IMMP2L: variants seen among roughly 807,000 people sequenced by gnomAD.
IMMP2L encodes the protein inner mitochondrial membrane peptidase subunit 2.
A neutral mutation model predicts 19.3 loss-of-function variants in IMMP2L; 18 were observed. That is an observed-to-expected ratio of 0.93 (90% CI 0.64 to 1.38). The LOEUF is 1.38. Among genes scored for constraint, IMMP2L ranks in the 40% most tolerant of loss-of-function variants. The pLI is 0.00. For synonymous variants in IMMP2L, 76 were observed against 73.0 expected, an observed-to-expected ratio of 1.04 and a Z score of -0.21; for missense variants, 233 against 218.2, an observed-to-expected ratio of 1.07 and a Z score of -0.43.
chr7:110,770,243 T>C (rs922141147), intron 5 of IMMP2L, among the ~76,000 whole-genome samples: 2 of 152,170 alleles, frequency 1.3e-5, no homozygotes, highest in Admixed American at 1.3e-4. Flanking sequence ...TCATACTTAA[T>C]TCCCTTACGA....
chr7:111,122,512 C>A, intron 3 of IMMP2L: 2 of 432,288 alleles, frequency 4.6e-6, no homozygotes, highest in Non-Finnish European at 8.2e-6. Context: ...ACCATCTATA[C>A]ATACTCCACC....
chr7:110,801,976 T>C (rs1284911470), intron 5 of IMMP2L, among the ~76,000 whole-genome samples: 1 of 152,080 alleles, frequency 6.6e-6, no homozygotes, highest in Non-Finnish European at 1.5e-5. Context: ...TCATTCCATA[T>C]GACAGTGAAG....
chr7:111,038,264 T>C (rs1021665241), intron 3 of IMMP2L, among the ~76,000 whole-genome samples: 2 of 152,042 alleles, frequency 1.3e-5, no homozygotes, highest in African/African-American at 4.8e-5. Flanking sequence ...TATTCACAAT[T>C]TGGGGGTGGT....
At position 111,392,822 on chromosome 7, in the gene IMMP2L, T is replaced by C. The variant is rs113301156; in HGVS notation, c.239+94416A>G. The C allele has an allele frequency of 3.1e-5, 14 of 456,574 alleles. 1 individual carries two copies. Among genetic ancestry groups the C allele is most frequent in the African/African-American group, 2.0e-4 (10 of 50,162 alleles). The allele number at this position is 456,574 out of a possible 1,614,324, so 28.3% of individuals were successfully genotyped here. A position where few individuals can be genotyped will look rare whatever the true frequency, so the allele number is the denominator to read the frequency against. On this transcript the variant is annotated intron_variant, in intron 3 of 5. Coordinates refer to ENST00000405709, the MANE Select transcript of IMMP2L (RefSeq NM_032549.4). ...CTTACCATTACTGGTGCATTAAAAGTACCACAAATGAAGAGCCAGATGAGG... is the reference window on the plus strand; with the variant it reads ...CTTACCATTACTGGTGCATTAAAAGCACCACAAATGAAGAGCCAGATGAGG...
intron 3 of IMMP2L, among the ~76,000 whole-genome samples, chr7:111,337,703 T>A (rs1387875178): frequency 1.3e-5 from 2 of 151,938 alleles, no homozygotes; most frequent in African/African-American, 2.4e-5. Context: ...GCAGGTAGGC[T>A]GACAAATAAA....
At chr7:110,721,197 C>T (rs1467221850) in intron 5 of IMMP2L, among the ~76,000 whole-genome samples, 1 of 151,824 alleles carries the variant, frequency 6.6e-6, no homozygotes, top group Non-Finnish European at 1.5e-5. Context: ...CAGGGACAAG[C>T]TGGAAGGGAC....
intron 3 of IMMP2L, among the ~76,000 whole-genome samples, chr7:111,156,765 T>C (rs778944791): frequency 6.6e-6 from 1 of 152,042 alleles, no homozygotes; most frequent in South Asian, 2.1e-4. Context: ...ACTGACTTTG[T>C]GTGCAGACCT....
At chr7:111,476,847 T>C (rs1200694338) in intron 3 of IMMP2L, among the ~76,000 whole-genome samples, 1 of 152,162 alleles carries the variant, frequency 6.6e-6, no homozygotes, top group Non-Finnish European at 1.5e-5. Flanking sequence ...TAACTACTAC[T>C]TCTGCCTCTG....
At chr7:110,723,667 A>G (rs1795714023) in intron 5 of IMMP2L, among the ~76,000 whole-genome samples, 1 of 152,150 alleles carries the variant, frequency 6.6e-6, no homozygotes. Context: ...AAATAAAAAC[A>G]TCCACAGTTT....
intron 3 of IMMP2L, among the ~76,000 whole-genome samples, chr7:111,296,154 C>T (rs557755957): frequency 1.3e-4 from 19 of 151,748 alleles, no homozygotes; most frequent in African/African-American, 4.3e-4. Context: ...GGAGTAATAT[C>T]AAGATGTGAA....
At chr7:111,272,225 C>A (rs1196672578) in intron 3 of IMMP2L, among the ~76,000 whole-genome samples, 1 of 152,114 alleles carries the variant, frequency 6.6e-6, no homozygotes, top group African/African-American at 2.4e-5. Flanking sequence ...ACTCTCCCAC[C>A]TAACTATGCT....
chr7:111,329,063 C>T (rs1364263811), intron 3 of IMMP2L, among the ~76,000 whole-genome samples: 3 of 151,812 alleles, frequency 2.0e-5, no homozygotes, highest in African/African-American at 7.3e-5. Flanking sequence ...AAAAGATCGT[C>T]ACATCTTTTG....
chr7:110,811,716 G>GT (rs1802052319), intron 5 of IMMP2L, among the ~76,000 whole-genome samples: 1 of 152,032 alleles, frequency 6.6e-6, no homozygotes, highest in Admixed American at 6.6e-5. Flanking sequence ...ATCCAAGAGA[G>GT]TATTATCATG....
At chr7:110,921,463 T>C (rs559626136) in intron 4 of IMMP2L, among the ~76,000 whole-genome samples, 23 of 152,316 alleles carry the variant, frequency 1.5e-4, no homozygotes, top group Admixed American at 3.3e-4. Flanking sequence ...ATAGGGATCA[T>C]TGGACATACC....
At position 111,416,410 on chromosome 7, in the gene IMMP2L, T is replaced by C. The variant is rs138416238; in HGVS notation, c.239+70828A>G. Among the ~76,000 whole-genome samples the C allele has an allele frequency of 1.8e-3, 276 of 152,014 alleles. 12 individuals are homozygous for C. In the East Asian group the frequency reaches 0.037, roughly 21 times the overall value. ...GGAATTACTGTCAAATGCCATGTCA[T>C]AGCATGACAGAGATTTAGCCCAGAT... On this transcript the variant is annotated intron_variant, in intron 3 of 5. Coordinates refer to ENST00000405709, the MANE Select transcript of IMMP2L (RefSeq NM_032549.4).
At chr7:110,854,865 C>T (rs1368894903) in intron 5 of IMMP2L, among the ~76,000 whole-genome samples, 1 of 151,868 alleles carries the variant, frequency 6.6e-6, no homozygotes, top group Non-Finnish European at 1.5e-5. Context: ...CAGCCTAGTG[C>T]CTAGACTATA....
intron 5 of IMMP2L, among the ~76,000 whole-genome samples, chr7:110,885,042 A>C (rs1810073362): frequency 6.6e-6 from 1 of 152,096 alleles, no homozygotes; most frequent in African/African-American, 2.4e-5. Flanking sequence ...GAGACCACCG[A>C]CATTAAATTT....
chr7:110,851,500 G>A (rs1806222987), intron 5 of IMMP2L, among the ~76,000 whole-genome samples: 2 of 152,120 alleles, frequency 1.3e-5, no homozygotes, highest in African/African-American at 2.4e-5. Context: ...TTGAAGATAT[G>A]ATTCTGAAAG....
chr7:110,966,601 A>T (rs1819573306), intron 3 of IMMP2L, among the ~76,000 whole-genome samples: 1 of 152,016 alleles, frequency 6.6e-6, no homozygotes, highest in Non-Finnish European at 1.5e-5. Flanking sequence ...TAGAGTATGC[A>T]AAGGGAGCTA....
Sources: gnomAD v4.1 joint callset for allele counts (sites outside exome capture counted in the v4.1 genomes callset) on GRCh38, gnomAD v4.1.1 for gene constraint, MANE v1.5 for transcripts, NCBI Gene and HGNC (gene_info 2026-07-23, HGNC 2026-07-21) for gene names.